Variants in ZDHHC14 observed in about 807,000 individuals in gnomAD.
ZDHHC14 encodes the protein palmitoyltransferase ZDHHC14.
ZDHHC14 carries 16 observed loss-of-function variants against 47.7 expected under a neutral mutation model. The observed-to-expected ratio is 0.34, with a 90% CI of 0.23 to 0.51. ZDHHC14 has a LOEUF of 0.51. Among genes scored for constraint, ZDHHC14 ranks in the 20% least tolerant of loss-of-function variants. The pLI is 0.97. For missense variants in ZDHHC14, 515 were observed against 662.5 expected (o/e 0.78, Z 2.44); for synonymous variants, 293 against 278.9 (o/e 1.05, Z -0.50).
chr6:157,527,239 C>T (rs576918336), intron 1 of ZDHHC14, among the ~76,000 whole-genome samples: 2 of 152,282 alleles, frequency 1.3e-5, no homozygotes, highest in Admixed American at 6.5e-5. Flanking sequence ...CATCAGTGCC[C>T]CCATCTCCTA....
chr6:157,434,462 C>A (rs1008457236), intron 1 of ZDHHC14, among the ~76,000 whole-genome samples: 1 of 151,974 alleles, frequency 6.6e-6, no homozygotes, highest in African/African-American at 2.4e-5. Flanking sequence ...TGTCCCATTC[C>A]CTAAGTCCCC....
chr6:157,421,647 G>T (rs371038858), intron 1 of ZDHHC14, among the ~76,000 whole-genome samples: 1 of 151,496 alleles, frequency 6.6e-6, no homozygotes, highest in African/African-American at 2.4e-5. Flanking sequence ...TTGCTCTGTC[G>T]CCCAGGCTGG....
chr6:157,647,663 A>C (rs943799831), intron 7 of ZDHHC14, among the ~76,000 whole-genome samples: 3 of 152,224 alleles, frequency 2.0e-5, no homozygotes, highest in African/African-American at 7.2e-5. Flanking sequence ...CTAATGACTG[A>C]AGGTGCGTGC....
chr6:157,620,080 G>A (rs913610314), intron 3 of ZDHHC14, among the ~76,000 whole-genome samples: 2 of 152,200 alleles, frequency 1.3e-5, no homozygotes, highest in Non-Finnish European at 2.9e-5. Flanking sequence ...AGAACCCTCT[G>A]TCTTAGTCCA....
At chr6:157,659,439 C>T (rs1778248124) in intron 8 of ZDHHC14, among the ~76,000 whole-genome samples, 1 of 152,214 alleles carries the variant, frequency 6.6e-6, no homozygotes, top group Non-Finnish European at 1.5e-5. Context: ...CAATTAATTT[C>T]CAGGAATTGT....
intron 1 of ZDHHC14, among the ~76,000 whole-genome samples, chr6:157,539,412 T>A (rs1781664825): frequency 6.6e-6 from 1 of 151,708 alleles, no homozygotes; most frequent in Non-Finnish European, 1.5e-5. Context: ...TCCAGAAAGA[T>A]AATAAATAAA....
chr6:157,538,603 A>G (rs1781628980), intron 1 of ZDHHC14, among the ~76,000 whole-genome samples: 1 of 152,134 alleles, frequency 6.6e-6, no homozygotes, highest in African/African-American at 2.4e-5. Context: ...AGCCAGTCTC[A>G]CCCTCCAGGA....
chr6:157,381,466 G>T lies in ZDHHC14; in HGVS notation c.-556G>T, dbSNP rs1256970514. On this transcript the variant is annotated 5_prime_UTR_variant, in exon 1 of 9. Transcript: ENST00000359775. ...TCCCCACCCCTGGGAGGGGTTGCCG[G>T]TGCCGCGCGCGGCCGCCCAGTCGCC... The T allele has an allele frequency of 5.8e-6, 2 of 346,162 alleles. No individual in the cohort carries two copies. The highest frequency in any genetic ancestry group is 3.1e-4 in the East Asian group (2 of 6,466). The allele number at this position is 346,162 out of a possible 1,614,324, so 21.4% of individuals were successfully genotyped here.
rs200389999 is a variant in ZDHHC14, at chr6:157,513,752, G to A, written c.246-28833G>A. 5.9e-5 allele frequency among the ~76,000 whole-genome samples: 9 copies of A among 152,292 alleles called. 1 individual carries two copies. The East Asian group carries it at 1.5e-3, about 26-fold the overall frequency. ...ATTTTTTAATAAAAAGGTTCAGAGA[G>A]GTTAGGTAAGTTTGCCTGAGTCACA... On this transcript the variant is annotated intron_variant, in intron 1 of 8. Coordinates refer to ENST00000359775, the MANE Select transcript of ZDHHC14 (RefSeq NM_024630.3).
At chr6:157,394,995 T>C (rs1777492187) in intron 1 of ZDHHC14, among the ~76,000 whole-genome samples, 1 of 150,600 alleles carries the variant, frequency 6.6e-6, no homozygotes, top group Admixed American at 6.7e-5. Flanking sequence ...TGCAGCCAGT[T>C]CGTGCACCCA....
intron 1 of ZDHHC14, among the ~76,000 whole-genome samples, chr6:157,435,217 A>T (rs1360679872): frequency 6.6e-6 from 1 of 152,248 alleles, no homozygotes; most frequent in Non-Finnish European, 1.5e-5. Context: ...AAGAAGCAGG[A>T]CTAGGATTTA....
intron 2 of ZDHHC14, among the ~76,000 whole-genome samples, chr6:157,589,097 G>T (rs1006634807): frequency 6.6e-6 from 1 of 152,038 alleles, no homozygotes; most frequent in African/African-American, 2.4e-5. Context: ...TGGCTGAGGA[G>T]GCCTCAGGAA....
intron 2 of ZDHHC14, among the ~76,000 whole-genome samples, chr6:157,556,967 C>T (rs1044305706): frequency 4.6e-5 from 7 of 152,106 alleles, no homozygotes; most frequent in South Asian, 2.1e-4. Context: ...GGAACTGGAG[C>T]GCAGAGGGAT....
intron 1 of ZDHHC14, among the ~76,000 whole-genome samples, chr6:157,536,176 C>T (rs1056227317): frequency 2.0e-5 from 3 of 152,214 alleles, no homozygotes; most frequent in Non-Finnish European, 4.4e-5. Flanking sequence ...AAAGTAGCAA[C>T]TCCCTGGATT....
intron 1 of ZDHHC14, among the ~76,000 whole-genome samples, chr6:157,513,510 G>A (rs1780568513): frequency 6.6e-6 from 1 of 152,128 alleles, no homozygotes; most frequent in Non-Finnish European, 1.5e-5. Context: ...AGCTCCATCT[G>A]GGACTCTGTC....
At chr6:157,648,510 C>T (rs528784748) in intron 7 of ZDHHC14, among the ~76,000 whole-genome samples, 2 of 94,934 alleles carry the variant, frequency 2.1e-5, no homozygotes, top group South Asian at 4.0e-4. Context: ...TTTGAGTCAC[C>T]GTGGTGCTAC....
At chr6:157,654,295 G>C (rs1171280557) in intron 8 of ZDHHC14, among the ~76,000 whole-genome samples, 1 of 152,160 alleles carries the variant, frequency 6.6e-6, no homozygotes, top group East Asian at 1.9e-4. Flanking sequence ...ATGGACACCA[G>C]GAATCTCAGC....
At chr6:157,646,593 A>G (rs1469028132) in intron 6 of ZDHHC14, among the ~76,000 whole-genome samples, 1 of 143,774 alleles carries the variant, frequency 7.0e-6, no homozygotes, top group African/African-American at 2.7e-5. Flanking sequence ...AGCCTGGGTG[A>G]CAGAGCGACA....
intron 1 of ZDHHC14, among the ~76,000 whole-genome samples, chr6:157,395,838 T>C (rs933471373): frequency 1.3e-5 from 2 of 152,118 alleles, no homozygotes; most frequent in African/African-American, 4.8e-5. Flanking sequence ...ACTGTGTCTG[T>C]TACATATAGT....
Sources: gnomAD v4.1 joint callset for allele counts (sites outside exome capture counted in the v4.1 genomes callset) on GRCh38, gnomAD v4.1.1 for gene constraint, MANE v1.5 for transcripts, NCBI Gene and HGNC (gene_info 2026-07-23, HGNC 2026-07-21) for gene names.